Variants in CSMD1 observed in about 807,000 individuals in gnomAD.
CSMD1 encodes the protein CUB and Sushi multiple domains 1, also known as CUB and sushi domain-containing protein 1.
In CSMD1, 213 loss-of-function variants were observed where a neutral mutation model predicts 417.5. The observed-to-expected ratio is 0.51, with a 90% CI of 0.46 to 0.57. The LOEUF is 0.57. CSMD1 is among the 20% of genes least tolerant of loss of function. The pLI is 0.00. For synonymous variants in CSMD1, 2,862 were observed against 1,736.8 expected, an observed-to-expected ratio of 1.65 and a Z score of -16.11; for missense variants, 6,923 against 4,529.7, an observed-to-expected ratio of 1.53 and a Z score of -15.17.
intron 1 of CSMD1, among the ~76,000 whole-genome samples, chr8:4,800,193 C>G (rs1798202062): frequency 6.6e-6 from 1 of 151,998 alleles, no homozygotes. Flanking sequence ...AACCCCAGCA[C>G]GTTGGGAAGC....
rs1314293728 is a variant in CSMD1, at chr8:4,432,031, G to C, written c.303-11966C>G. On this transcript the variant is annotated intron_variant, in intron 2 of 69. Coordinates refer to ENST00000635120, the MANE Select transcript of CSMD1 (RefSeq NM_033225.6). ...GTATTCTCAAAAGGCCTGCAAAAAT[G>C]TGTAAGGAGATTTGGTAGTGCTCAC... Among the ~76,000 whole-genome samples, 3 of 152,052 alleles carry C rather than the reference G, an allele frequency of 2.0e-5. No individual in the cohort carries two copies. In the East Asian group the frequency reaches 5.8e-4, roughly 29 times the overall value.
intron 5 of CSMD1, among the ~76,000 whole-genome samples, chr8:3,811,977 T>C (rs1406495918): frequency 1.3e-5 from 2 of 152,218 alleles, no homozygotes; most frequent in Non-Finnish European, 2.9e-5. Flanking sequence ...TCAGTGTTTT[T>C]CTGAGATGCT....
At chr8:4,039,237 G>C (rs1239383364) in intron 3 of CSMD1, among the ~76,000 whole-genome samples, 1 of 152,120 alleles carries the variant, frequency 6.6e-6, no homozygotes, top group African/African-American at 2.4e-5. Context: ...CTTTGCCTCT[G>C]TAGTAGTCTC....
At chr8:3,740,294 T>G (rs1052300658) in intron 6 of CSMD1, among the ~76,000 whole-genome samples, 1 of 152,144 alleles carries the variant, frequency 6.6e-6, no homozygotes, top group Non-Finnish European at 1.5e-5. Context: ...TTAGTACAGA[T>G]GGGGTTTGAC....
intron 10 of CSMD1, among the ~76,000 whole-genome samples, chr8:3,498,077 G>C (rs187316498): frequency 1.3e-5 from 2 of 151,834 alleles, no homozygotes; most frequent in East Asian, 1.9e-4. Context: ...TAGTATTCTT[G>C]GCTGACATTT....
At chr8:4,314,936 G>C (rs1798836198) in intron 3 of CSMD1, among the ~76,000 whole-genome samples, 1 of 152,192 alleles carries the variant, frequency 6.6e-6, no homozygotes, top group Admixed American at 6.5e-5. Flanking sequence ...CACAGGAAAA[G>C]TGGGGTTGAC....
At chr8:3,427,311 C>G (rs1466911734) in intron 12 of CSMD1, among the ~76,000 whole-genome samples, 1 of 152,114 alleles carries the variant, frequency 6.6e-6, no homozygotes, top group African/African-American at 2.4e-5. Flanking sequence ...ATCAGAAGTG[C>G]AAACTGAAGT....
intron 5 of CSMD1, among the ~76,000 whole-genome samples, chr8:3,978,781 G>C (rs1485590630): frequency 6.6e-6 from 1 of 152,048 alleles, no homozygotes; most frequent in Non-Finnish European, 1.5e-5. Context: ...ATGCTTTTAA[G>C]GGAAAGCAGC....
intron 3 of CSMD1, among the ~76,000 whole-genome samples, chr8:4,250,815 CT>C (rs1263125594): frequency 2.0e-5 from 3 of 152,148 alleles, no homozygotes; most frequent in African/African-American, 4.8e-5. Flanking sequence ...CTTAATTGTA[CT>C]GGTTGAAATG....
intron 3 of CSMD1, among the ~76,000 whole-genome samples, chr8:4,142,925 T>A (rs955692116): frequency 1.3e-5 from 2 of 151,016 alleles, no homozygotes; most frequent in African/African-American, 5.0e-5. Flanking sequence ...AGGTCATATG[T>A]TGAAGTATTT....
intron 3 of CSMD1, among the ~76,000 whole-genome samples, chr8:4,360,345 G>C (rs1416003220): frequency 2.0e-5 from 3 of 152,108 alleles, no homozygotes; most frequent in Non-Finnish European, 4.4e-5. Context: ...CTTATCTGTT[G>C]CATGATTAAC....
intron 31 of CSMD1, among the ~76,000 whole-genome samples, chr8:3,204,063 T>C (rs1233531728): frequency 6.6e-6 from 1 of 152,178 alleles, no homozygotes; most frequent in African/African-American, 2.4e-5. Flanking sequence ...GAGTAACGAA[T>C]GGGGGAAGAA....
intron 10 of CSMD1, among the ~76,000 whole-genome samples, chr8:3,495,831 C>G (rs561862460): frequency 6.6e-6 from 1 of 152,182 alleles, no homozygotes; most frequent in Non-Finnish European, 1.5e-5. Context: ...TATGCACCCT[C>G]CTTATGTCTT....
chr8:3,585,458 T>C (rs539198035), intron 9 of CSMD1, among the ~76,000 whole-genome samples: 31 of 152,324 alleles, frequency 2.0e-4, no homozygotes, highest in African/African-American at 7.2e-4. Context: ...ACCCAGCATT[T>C]CTTTAATTTT....
At chr8:3,941,853 C>T (rs1810905636) in intron 5 of CSMD1, among the ~76,000 whole-genome samples, 2 of 152,050 alleles carry the variant, frequency 1.3e-5, no homozygotes, top group Non-Finnish European at 1.5e-5. Flanking sequence ...CAAAAGGGTC[C>T]CCAACCCTGG....
chr8:4,022,873 T>C (rs1796859635), intron 4 of CSMD1, among the ~76,000 whole-genome samples: 1 of 152,210 alleles, frequency 6.6e-6, no homozygotes. Context: ...ATTCACATAG[T>C]TAAGAAGCAG....
At chr8:3,657,633 G>A (rs1798195870) in intron 7 of CSMD1, among the ~76,000 whole-genome samples, 1 of 152,074 alleles carries the variant, frequency 6.6e-6, no homozygotes. Context: ...CTCATAAGTG[G>A]GTGTTGAACA....
chr8:4,477,557 G>T (rs904243586), intron 2 of CSMD1, among the ~76,000 whole-genome samples: 1 of 152,156 alleles, frequency 6.6e-6, no homozygotes, highest in Non-Finnish European at 1.5e-5. Flanking sequence ...CAGTTTAAAT[G>T]TACATCTTTT....
At chr8:4,205,302 T>C (rs903821333) in intron 3 of CSMD1, among the ~76,000 whole-genome samples, 3 of 152,210 alleles carry the variant, frequency 2.0e-5, no homozygotes, top group African/African-American at 7.2e-5. Context: ...TGAAAAAGAT[T>C]ATTGTTATTT....
Sources: allele counts gnomAD v4.1 joint callset (sites outside exome capture counted in the v4.1 genomes callset), GRCh38; gene constraint gnomAD v4.1.1; transcripts MANE v1.5; gene names NCBI Gene and HGNC (gene_info 2026-07-23, HGNC 2026-07-21).